The following AK9 variants were observed in gnomAD, a reference collection of about 807,000 sequenced individuals.
AK9 encodes adenylate kinase 9, also known as adenylate kinase domain containing 1.
Under a neutral mutation model 239.6 loss-of-function variants are expected in AK9, and 191 were observed. The ratio of observed to expected loss-of-function variants is 0.80; its 90% confidence interval spans 0.71 to 0.90. The LOEUF (loss-of-function observed/expected upper bound fraction) is 0.90, where lower values mean the gene tolerates loss of function less well. Among genes scored for constraint, AK9 ranks in the 40% least tolerant of loss-of-function variants. The pLI is 0.00. For synonymous variants in AK9, 689 were observed against 721.0 expected (o/e 0.96, Z 0.71); for missense variants, 1,995 against 2,214.7 (o/e 0.90, Z 1.99).
rs1381867907 is a variant in AK9, at chr6:109,494,085, G to C, written c.5429C>G (p.Thr1810Ser). ...TGCATTCATTGCTTTAATTAGAGAA[G>C]TTGCAATACCCTGCAGGGAGGGAAC... ...LPGYLEQGIA[T>S]SLIKAMNAAG... The change falls in exon 40 of 41, where the codon ACT becomes AGT. Residue 1810 changes from threonine (T) to serine (S), a missense_variant. By Grantham distance (58) the Thr-to-Ser change is moderately conservative. Coordinates refer to ENST00000424296, the MANE Select transcript of AK9 (RefSeq NM_001145128.3). 2 of 1,612,374 alleles carry C rather than the reference G, an allele frequency of 1.2e-6. No homozygotes were observed. Among genetic ancestry groups the C allele is most frequent in the Admixed American group, 1.7e-5 (1 of 59,932 alleles).
intron 1 of AK9, among the ~76,000 whole-genome samples, chr6:109,684,270 CG>C (rs934222559): frequency 6.6e-6 from 1 of 152,104 alleles, no homozygotes. Flanking sequence ...AAGACTTAAA[CG>C]TAAGACCCAG....
chr6:109,635,784 G>A (rs1475799890), intron 10 of AK9, among the ~76,000 whole-genome samples: 3 of 152,162 alleles, frequency 2.0e-5, no homozygotes, highest in African/African-American at 7.2e-5. Flanking sequence ...TAATTTGCCA[G>A]GGCCAGAACA....
intron 5 of AK9, among the ~76,000 whole-genome samples, chr6:109,665,498 C>T (rs993373719): frequency 6.6e-6 from 1 of 152,208 alleles, no homozygotes; most frequent in Admixed American, 6.5e-5. Context: ...TCTGGCTCCA[C>T]ACCACCCTCA....
chr6:109,506,741 G>T lies in AK9; in HGVS notation c.4541C>A (p.Ser1514Ter). 1 of 1,531,050 alleles carries T rather than the reference G, an allele frequency of 6.5e-7. No homozygotes were observed. Among genetic ancestry groups the T allele is most frequent in the South Asian group, 1.2e-5 (1 of 82,188 alleles). 94.8% of individuals were successfully genotyped at this position (1,531,050 alleles called of 1,614,324 possible). Residue 1514 changes from serine to a stop codon, truncating the protein, a stop_gained, in exon 34 of 41, where the codon TCA becomes TAA. Coordinates refer to ENST00000424296, the MANE Select transcript of AK9 (RefSeq NM_001145128.3). LOFTEE classifies it high-confidence loss of function. ...KHQMNLLEAR[S>*]IIPMVIFELS... ...TTCAAAGATGACCATGGGAATGATT[G>T]ACCTAGCTTCCAAGAGATTCATTTG... is the stretch of plus-strand genomic sequence containing the variant.
chr6:109,554,578 A>T (rs1784755583), intron 24 of AK9, among the ~76,000 whole-genome samples: 1 of 122,246 alleles, frequency 8.2e-6, no homozygotes, highest in Admixed American at 1.1e-4. Flanking sequence ...GTAGCCCAGG[A>T]TGGAGTGCAA....
intron 5 of AK9, among the ~76,000 whole-genome samples, chr6:109,663,419 T>C (rs527856163): frequency 6.6e-6 from 1 of 152,326 alleles, no homozygotes; most frequent in South Asian, 2.1e-4. Flanking sequence ...GCCCTGGGTA[T>C]TTGGCAGAAA....
Position 109,515,868 on chromosome 6 carries a change from C to T in AK9, c.4054G>A (p.Asp1352Asn), listed in dbSNP as rs1779227671. Residue 1352 changes from aspartate to asparagine, a missense_variant, in exon 31 of 41, where the codon GAC (aspartate) becomes AAC (asparagine). Physicochemically the swap from Asp to Asn is conservative, Grantham distance 23. Around this residue, in one of 5 missense-constraint regions of AK9, gnomAD observed 1,290 missense variants for 1,392.7 expected, o/e 0.93. Transcript: ENST00000424296. ...TTTGCTGAAATTACCTTTACAGGGTCCCAATAGCCGAATGAGCTTATATAC... is the reference window on the plus strand; with the variant it reads ...TTTGCTGAAATTACCTTTACAGGGTTCCAATAGCCGAATGAGCTTATATAC... ...YKYISSFGYW[D>N]PVKLSEGETI... 1.9e-6 allele frequency: 3 copies of T among 1,550,992 alleles called. No individual in the cohort carries two copies. The highest frequency in any genetic ancestry group is 2.6e-6 in the Non-Finnish European group (3 of 1,146,354).
intron 27 of AK9, among the ~76,000 whole-genome samples, chr6:109,538,375 C>T (rs1782331783): frequency 1.3e-5 from 2 of 152,124 alleles, no homozygotes; most frequent in South Asian, 4.1e-4. Context: ...TTCTTTGACT[C>T]TTTTGATCTT....
intron 35 of AK9, among the ~76,000 whole-genome samples, chr6:109,499,831 C>T (rs973199031): frequency 2.0e-5 from 3 of 152,128 alleles, no homozygotes; most frequent in African/African-American, 7.2e-5. Flanking sequence ...AATTCCTGGC[C>T]TCAGGTGATC....
intron 19 of AK9, among the ~76,000 whole-genome samples, chr6:109,582,624 T>C (rs1583108692): frequency 6.6e-6 from 1 of 152,222 alleles, no homozygotes; most frequent in Non-Finnish European, 1.5e-5. Context: ...AGATGGAATC[T>C]ATTCTTGGTG....
chr6:109,528,831 GA>G, intron 29 of AK9, 179 bp downstream of exon 29: 13 of 1,082,838 alleles, frequency 1.2e-5, no homozygotes, highest in Non-Finnish European at 1.7e-5. Context: ...TCTTAAGCCA[GA>G]AGGCAAAGGC....
At chr6:109,669,830 G>A (rs1322210944) in intron 5 of AK9, among the ~76,000 whole-genome samples, 2 of 152,168 alleles carry the variant, frequency 1.3e-5, no homozygotes, top group African/African-American at 4.8e-5. Context: ...TACAGGATGG[G>A]TTAAGGGGTG....
intron 9 of AK9, among the ~76,000 whole-genome samples, chr6:109,643,696 G>C (rs1797715706): frequency 6.6e-6 from 1 of 152,130 alleles, no homozygotes; most frequent in African/African-American, 2.4e-5. Flanking sequence ...CTTTCTTGGT[G>C]CAATCCCTTC....
chr6:109,627,867 C>G (rs1795722078), intron 12 of AK9, among the ~76,000 whole-genome samples: 1 of 152,162 alleles, frequency 6.6e-6, no homozygotes, highest in Non-Finnish European at 1.5e-5. Flanking sequence ...CCAAACTGGT[C>G]TCAAACTCTT....
intron 20 of AK9, among the ~76,000 whole-genome samples, chr6:109,578,695 C>T (rs2128205251): frequency 6.6e-6 from 1 of 152,228 alleles, no homozygotes; most frequent in African/African-American, 2.4e-5. Context: ...GAACTTACCT[C>T]TTTGGACCAC....
chr6:109,592,186 C>T (rs1412248462), intron 17 of AK9, among the ~76,000 whole-genome samples: 1 of 151,984 alleles, frequency 6.6e-6, no homozygotes, highest in African/African-American at 2.4e-5. Flanking sequence ...AATACCACTA[C>T]TAAAAACAGA....
chr6:109,540,255 T>G (rs930650370), intron 27 of AK9, among the ~76,000 whole-genome samples: 13 of 152,318 alleles, frequency 8.5e-5, no homozygotes, highest in Admixed American at 2.0e-4. Flanking sequence ...CTCCACCCAG[T>G]TAGAGCTTCC....
At chr6:109,689,092 A>G (rs373722281) in intron 1 of AK9, among the ~76,000 whole-genome samples, 1 of 152,220 alleles carries the variant, frequency 6.6e-6, no homozygotes, top group African/African-American at 2.4e-5. Flanking sequence ...GTTGGCCAAG[A>G]GTAAGGAAAA....
At position 109,684,873 on chromosome 6, in the gene AK9, C is replaced by CAAAAAAAAAA. The variant is rs60500211; in HGVS notation, c.-12+6264_-12+6273dup. Among the ~76,000 whole-genome samples the CAAAAAAAAAA allele has an allele frequency of 7.8e-4, 17 of 21,870 alleles. 1 individual carries two copies. Among genetic ancestry groups the CAAAAAAAAAA allele is most frequent in the Non-Finnish European group, 1.0e-3 (13 of 12,500 alleles). 14.3% of individuals were successfully genotyped at this position (21,870 alleles called of 152,430 possible). A position where few individuals can be genotyped will look rare whatever the true frequency, so the allele number is the denominator to read the frequency against. ...TGGGCGACAGAGTGAGACTCCGTCT[C>CAAAAAAAAAA]AAAAAAAAAAAAAAAAAAAAAAAAA... On this transcript the variant is annotated intron_variant, in intron 1 of 40. Coordinates refer to ENST00000424296, the MANE Select transcript of AK9 (RefSeq NM_001145128.3).
Sources: gnomAD v4.1 joint callset for allele counts (sites outside exome capture counted in the v4.1 genomes callset) on GRCh38, gnomAD v4.1.1 for gene constraint, gnomAD v4.1.1 regional missense constraint, MANE v1.5 for transcripts, NCBI Gene and HGNC (gene_info 2026-07-23, HGNC 2026-07-21) for gene names.